Variants in BCAR3 observed in about 807,000 individuals in gnomAD.
BCAR3 encodes the protein breast cancer anti-estrogen resistance protein 3.
In BCAR3, 37 loss-of-function variants were observed where a neutral mutation model predicts 80.1. The observed-to-expected ratio is 0.46, with a 90% CI of 0.36 to 0.61. BCAR3 has a LOEUF of 0.61. BCAR3 is among the 20% of genes least tolerant of loss of function. The pLI is 0.00. For synonymous variants in BCAR3, 389 were observed against 418.9 expected, an observed-to-expected ratio of 0.93 and a Z score of 0.87; for missense variants, 978 against 1,068.2, an observed-to-expected ratio of 0.92 and a Z score of 1.18.
chr1:93,806,173 T>G (rs1653646729), intron 2 of BCAR3, among the ~76,000 whole-genome samples: 1 of 152,182 alleles, frequency 6.6e-6, no homozygotes. Flanking sequence ...AACTTTGCCT[T>G]CTACCGACTC....
At chr1:93,594,686 G>A (rs539111715) in intron 3 of BCAR3, 1 of 152,404 alleles carries the variant, frequency 6.6e-6, no homozygotes, top group African/African-American at 2.4e-5. Context: ...CAGTCTGCAG[G>A]CTTAGCCTAA....
intron 3 of BCAR3, among the ~76,000 whole-genome samples, chr1:93,701,614 G>C (rs1425585486): frequency 6.6e-6 from 1 of 152,240 alleles, no homozygotes; most frequent in Non-Finnish European, 1.5e-5. Flanking sequence ...CAACCACCGT[G>C]TGTGATGAGG....
intron 3 of BCAR3, among the ~76,000 whole-genome samples, chr1:93,626,203 T>C (rs946869911): frequency 2.0e-5 from 3 of 152,224 alleles, no homozygotes; most frequent in South Asian, 2.1e-4. Context: ...ACTTCAAGGA[T>C]TGACTCTCAA....
chr1:93,763,664 G>A (rs1652037953), intron 2 of BCAR3, among the ~76,000 whole-genome samples: 1 of 151,988 alleles, frequency 6.6e-6, no homozygotes, highest in Non-Finnish European at 1.5e-5. Context: ...TCTGGCTCCT[G>A]CCCACCTCTC....
chr1:93,802,193 C>G (rs762882714), intron 2 of BCAR3, among the ~76,000 whole-genome samples: 18 of 151,576 alleles, frequency 1.2e-4, no homozygotes, highest in Non-Finnish European at 2.4e-4. Context: ...GCCTGTAGTC[C>G]CAGGTACTCA....
chr1:93,720,621 A>G (rs1439954161), intron 2 of BCAR3, among the ~76,000 whole-genome samples: 3 of 152,230 alleles, frequency 2.0e-5, no homozygotes, highest in Non-Finnish European at 4.4e-5. Flanking sequence ...TCCACAGGCC[A>G]AGACTTAAAA....
chr1:93,788,595 C>T (rs1169690203), intron 2 of BCAR3, among the ~76,000 whole-genome samples: 1 of 152,110 alleles, frequency 6.6e-6, no homozygotes, highest in Non-Finnish European at 1.5e-5. Flanking sequence ...ATCTAAAATT[C>T]TTGGCTGACA....
Position 93,720,849 on chromosome 1 carries a change from GAGA to G in BCAR3, c.-62-14710_-62-14708del, listed in dbSNP as rs150003753. 8.5e-4 allele frequency among the ~76,000 whole-genome samples: 130 copies of G among 152,306 alleles called. 3 individuals carry two copies. The East Asian group carries it at 0.022, about 26-fold the overall frequency. ...GTCTTTTTCTCACTTGTGGGGAGGG[GAGA>G]AGAATGAAGAAGCTGCCGGAACTCC... On this transcript the variant is annotated intron_variant, in intron 2 of 13. Coordinates refer to the BCAR3 transcript ENST00000370244.
chr1:93,644,263 C>A (rs1021799701), intron 2 of BCAR3, among the ~76,000 whole-genome samples: 1 of 152,204 alleles, frequency 6.6e-6, no homozygotes, highest in African/African-American at 2.4e-5. Context: ...AAGACTGGAA[C>A]AGGAAACATT....
At chr1:93,630,151 G>A (rs1675569663) in intron 3 of BCAR3, among the ~76,000 whole-genome samples, 2 of 152,126 alleles carry the variant, frequency 1.3e-5, no homozygotes, top group African/African-American at 4.8e-5. Context: ...ACCCTGATGT[G>A]ATTATTACAC....
chr1:93,609,054 G>C (rs372102960), intron 3 of BCAR3, among the ~76,000 whole-genome samples: 47 of 152,264 alleles, frequency 3.1e-4, no homozygotes, highest in African/African-American at 8.4e-4. Context: ...GGCCTCTGCT[G>C]CACCACACAC....
intron 3 of BCAR3, among the ~76,000 whole-genome samples, chr1:93,690,347 C>A (rs945019815): frequency 6.6e-6 from 1 of 152,180 alleles, no homozygotes; most frequent in Non-Finnish European, 1.5e-5. Context: ...TTATAATTTA[C>A]ACAGTGCTTA....
chr1:93,737,473 G>A (rs1383357242), intron 2 of BCAR3, among the ~76,000 whole-genome samples: 2 of 152,212 alleles, frequency 1.3e-5, no homozygotes, highest in Non-Finnish European at 2.9e-5. Flanking sequence ...CTGGAGTGAT[G>A]CAGCTACAAG....
At chr1:93,742,204 C>T (rs1312521486) in intron 2 of BCAR3, among the ~76,000 whole-genome samples, 1 of 152,142 alleles carries the variant, frequency 6.6e-6, no homozygotes, top group Non-Finnish European at 1.5e-5. Context: ...ATTTGCTAAC[C>T]AGAAGACTTA....
intron 3 of BCAR3, among the ~76,000 whole-genome samples, chr1:93,630,611 G>C (rs1231480967): frequency 6.6e-6 from 1 of 152,160 alleles, no homozygotes; most frequent in East Asian, 1.9e-4. Context: ...TCCAGCCTGG[G>C]TGACAAAGCC....
intron 3 of BCAR3, among the ~76,000 whole-genome samples, chr1:93,701,559 G>C (rs1397238106): frequency 6.6e-6 from 1 of 152,206 alleles, no homozygotes. Context: ...TATAAAAAGT[G>C]GAAACAAAAT....
chr1:93,835,879 TC>T (rs1654745955), intron 2 of BCAR3, among the ~76,000 whole-genome samples: 1 of 152,168 alleles, frequency 6.6e-6, no homozygotes, highest in South Asian at 2.1e-4. Flanking sequence ...GCCACCGCGG[TC>T]ATTTCTTCCC....
intron 7 of BCAR3, among the ~76,000 whole-genome samples, chr1:93,580,528 A>AG (rs1476132458): frequency 6.6e-6 from 1 of 151,262 alleles, no homozygotes; most frequent in Non-Finnish European, 1.5e-5. Context: ...AAAAAAAAAA[A>AG]GCTGCATTGG....
At chr1:93,601,498 T>A (rs1044472344) in intron 3 of BCAR3, among the ~76,000 whole-genome samples, 3 of 152,200 alleles carry the variant, frequency 2.0e-5, no homozygotes, top group African/African-American at 7.2e-5. Flanking sequence ...TATGCATATA[T>A]CTCACTATTA....
Sources: allele counts gnomAD v4.1 joint callset (sites outside exome capture counted in the v4.1 genomes callset), GRCh38; gene constraint gnomAD v4.1.1; transcripts MANE v1.5; gene names NCBI Gene and HGNC (gene_info 2026-07-23, HGNC 2026-07-21).